Variants in SLC25A21 observed in about 807,000 individuals in gnomAD.
The protein encoded by SLC25A21 is solute carrier family 25 member 21.
In SLC25A21, 47 loss-of-function variants were observed where a neutral mutation model predicts 43.8. The observed-to-expected ratio is 1.07, with a 90% CI of 0.85 to 1.37. The LOEUF (loss-of-function observed/expected upper bound fraction) is 1.37, where lower values mean the gene tolerates loss of function less well. Ranked by LOEUF, SLC25A21 falls within the 40% of genes most tolerant of loss-of-function variation. The pLI is 0.00. For synonymous variants in SLC25A21, 131 were observed against 121.3 expected (o/e 1.08, Z -0.52); for missense variants, 352 against 350.2 (o/e 1.00, Z -0.04).
chr14:36,908,512 C>T (rs894584721), intron 1 of SLC25A21, among the ~76,000 whole-genome samples: 11 of 152,216 alleles, frequency 7.2e-5, no homozygotes, highest in East Asian at 5.8e-4. Context: ...TATTATGCAC[C>T]GCACTATCCA....
At chr14:36,855,571 T>C (rs1310403476) in intron 2 of SLC25A21, among the ~76,000 whole-genome samples, 1 of 152,098 alleles carries the variant, frequency 6.6e-6, no homozygotes, top group Non-Finnish European at 1.5e-5. Flanking sequence ...ATCAGCATCA[T>C]CATATCCCAA....
At chr14:37,139,692 G>A (rs927558293) in intron 1 of SLC25A21, among the ~76,000 whole-genome samples, 1 of 152,076 alleles carries the variant, frequency 6.6e-6, no homozygotes. Flanking sequence ...CCTATGTTAC[G>A]CTTTAAAATA....
At chr14:36,905,234 G>A (rs780784470) in intron 1 of SLC25A21, among the ~76,000 whole-genome samples, 1 of 152,164 alleles carries the variant, frequency 6.6e-6, no homozygotes, top group Non-Finnish European at 1.5e-5. Context: ...AAGCTATGTG[G>A]TGTAACAGAG....
intron 7 of SLC25A21, among the ~76,000 whole-genome samples, chr14:36,706,799 A>G (rs78664209): frequency 0.021 from 3,211 of 152,216 alleles, 104 homozygotes; most frequent in African/African-American, 0.073. Context: ...CATGGACGCT[A>G]TAGTCCAAGA....
At chr14:36,751,571 C>T (rs1594552455) in intron 3 of SLC25A21, among the ~76,000 whole-genome samples, 1 of 152,320 alleles carries the variant, frequency 6.6e-6, no homozygotes, top group East Asian at 1.9e-4. Context: ...CACTAACTGT[C>T]TGGGGCTCTT....
At position 37,160,375 on chromosome 14, in the gene SLC25A21, C is replaced by A. The variant is rs369882249; in HGVS notation, c.70+11906G>T. On this transcript the variant is annotated intron_variant, in intron 1 of 9. Coordinates refer to ENST00000331299, the MANE Select transcript of SLC25A21 (RefSeq NM_030631.4). ...TGTGGTATTTATAGACAATGAAATACTATTTGGCCATTAAAAAATACTAAA... is the reference window on the plus strand; with the variant it reads ...TGTGGTATTTATAGACAATGAAATAATATTTGGCCATTAAAAAATACTAAA... Among the ~76,000 whole-genome samples, 9 of 152,258 alleles carry A rather than the reference C, an allele frequency of 5.9e-5. No homozygotes were observed. In the East Asian group the frequency reaches 1.7e-3, roughly 29 times the overall value.
intron 7 of SLC25A21, among the ~76,000 whole-genome samples, chr14:36,693,961 G>C (rs1419893973): frequency 1.3e-5 from 2 of 152,182 alleles, no homozygotes; most frequent in Non-Finnish European, 2.9e-5. Context: ...TGTGCACAAT[G>C]TGCAGGTTTG....
chr14:36,725,427 A>T (rs1214110088), intron 6 of SLC25A21, 143 bp downstream of exon 6: 1 of 280,640 alleles, frequency 3.6e-6, no homozygotes, highest in Non-Finnish European at 6.1e-6. Flanking sequence ...GTGAGCCGAG[A>T]TTGCGCCATT....
At chr14:36,764,465 T>A (rs1283157368) in intron 3 of SLC25A21, among the ~76,000 whole-genome samples, 5 of 147,356 alleles carry the variant, frequency 3.4e-5, no homozygotes, top group Non-Finnish European at 7.4e-5. Context: ...AAGCACAAGC[T>A]GCCACGCGTG....
intron 1 of SLC25A21, among the ~76,000 whole-genome samples, chr14:37,052,048 G>A (rs982169915): frequency 3.3e-5 from 5 of 151,796 alleles, no homozygotes; most frequent in Non-Finnish European, 7.4e-5. Flanking sequence ...GTGGCTTTAT[G>A]TTCCAATCTT....
At chr14:37,092,236 A>G (rs955993273) in intron 1 of SLC25A21, among the ~76,000 whole-genome samples, 9 of 152,192 alleles carry the variant, frequency 5.9e-5, no homozygotes, top group Non-Finnish European at 1.3e-4. Context: ...TGGTAAGCCA[A>G]AAAGCCTTTC....
intron 2 of SLC25A21, among the ~76,000 whole-genome samples, chr14:36,873,993 C>A (rs1160867868): frequency 6.6e-6 from 1 of 152,194 alleles, no homozygotes; most frequent in Non-Finnish European, 1.5e-5. Flanking sequence ...GTTACAGCAG[C>A]TCCATCTAAG....
chr14:36,978,287 A>G (rs138651847), intron 1 of SLC25A21, among the ~76,000 whole-genome samples: 3 of 152,260 alleles, frequency 2.0e-5, no homozygotes, highest in Non-Finnish European at 2.9e-5. Context: ...TACTACAATA[A>G]GGTGAGTCAC....
intron 3 of SLC25A21, among the ~76,000 whole-genome samples, chr14:36,782,718 C>T (rs924123667): frequency 7.3e-5 from 11 of 150,036 alleles, no homozygotes; most frequent in Admixed American, 2.7e-4. Context: ...AACCAAACAC[C>T]GCATATTCTC....
chr14:37,011,652 T>G (rs1307723904), intron 1 of SLC25A21, among the ~76,000 whole-genome samples: 1 of 152,088 alleles, frequency 6.6e-6, no homozygotes, highest in Non-Finnish European at 1.5e-5. Context: ...CCACCATCAT[T>G]ATCTCAGCTA....
Position 36,734,561 on chromosome 14 carries a change from A to G in SLC25A21, c.216T>C (p.Phe72=). ...AGATAGGTGGCAGAATTCCCTTGTA[A>G]AAACCAAATAACCTGTTGGAGAAAT... is the stretch of plus-strand genomic sequence containing the variant. ...MIFQMEGLFG[F]YKGILPPILA... is the part of the protein sequence containing the mutation. Residue 72 remains phenylalanine (F), a synonymous_variant, in exon 4 of 10, where the codon TTT becomes TTC. Transcript: ENST00000331299. 2 of 1,604,986 alleles carry G rather than the reference A, an allele frequency of 1.2e-6. No homozygotes were observed. The highest frequency in any genetic ancestry group is 1.7e-6 in the Non-Finnish European group (2 of 1,175,010).
intron 3 of SLC25A21, among the ~76,000 whole-genome samples, chr14:36,781,979 C>T (rs1321555010): frequency 1.3e-5 from 2 of 152,126 alleles, no homozygotes; most frequent in African/African-American, 2.4e-5. Flanking sequence ...ATTTCTCCTT[C>T]GTTTCTAAAG....
intron 1 of SLC25A21, among the ~76,000 whole-genome samples, chr14:37,139,316 T>C (rs1376164706): frequency 1.3e-5 from 2 of 152,124 alleles, no homozygotes; most frequent in African/African-American, 4.8e-5. Context: ...TTATCATGCA[T>C]TTTAAAAGGG....
At position 36,835,263 on chromosome 14, in the gene SLC25A21, T is replaced by C. The variant is rs1165197827; in HGVS notation, c.120-21262A>G. On this transcript the variant is annotated intron_variant, in intron 2 of 9. Transcript: ENST00000331299. Reference sequence around the variant, plus strand: ...GATTAGCAAGGAAACACTTGTGTTATTATAAAGTGGGTACACTTCCCTTTC... The same window carrying C: ...GATTAGCAAGGAAACACTTGTGTTACTATAAAGTGGGTACACTTCCCTTTC... 2.6e-5 allele frequency among the ~76,000 whole-genome samples: 4 copies of C among 152,216 alleles called. No homozygotes were observed. In the East Asian group the frequency reaches 5.8e-4, roughly 22 times the overall value.
Sources: allele counts gnomAD v4.1 joint callset (sites outside exome capture counted in the v4.1 genomes callset), GRCh38; gene constraint gnomAD v4.1.1; transcripts MANE v1.5; gene names NCBI Gene and HGNC (gene_info 2026-07-23, HGNC 2026-07-21).